The following TMEM232 variants were observed in gnomAD, a reference collection of about 807,000 sequenced individuals.
TMEM232 encodes transmembrane protein 232.
TMEM232 carries 80 observed loss-of-function variants against 78.8 expected under a neutral mutation model. That is an observed-to-expected ratio of 1.01 (90% CI 0.85 to 1.22). The LOEUF (loss-of-function observed/expected upper bound fraction) is 1.22, where lower values mean the gene tolerates loss of function less well. TMEM232 is among the 50% of genes most tolerant of loss of function. The probability of loss-of-function intolerance (pLI) is 0.00; values close to 1 mark genes in which losing one functional copy is unlikely to be tolerated. For synonymous variants in TMEM232, 297 were observed against 254.3 expected (o/e 1.17, Z -1.60); for missense variants, 881 against 742.2 (o/e 1.19, Z -2.17).
intron 7 of TMEM232, among the ~76,000 whole-genome samples, chr5:110,620,577 A>ATCTCTCTCTCTC (rs66736608): frequency 2.1e-4 from 9 of 43,120 alleles, no homozygotes; most frequent in African/African-American, 6.6e-4. Flanking sequence ...TGTCTCTCAT[A>ATCTCTCTCTCTC]TCTCTCTCTC....
At chr5:110,518,835 T>C (rs1298273798) in intron 12 of TMEM232, among the ~76,000 whole-genome samples, 1 of 152,034 alleles carries the variant, frequency 6.6e-6, no homozygotes, top group East Asian at 1.9e-4. Context: ...TAGCACCTTC[T>C]TCAAGAAATT....
chr5:110,693,505 T>C (rs541051987), intron 1 of TMEM232, among the ~76,000 whole-genome samples: 53 of 152,096 alleles, frequency 3.5e-4, no homozygotes, highest in Non-Finnish European at 6.3e-4. Flanking sequence ...CAAACTACTC[T>C]GAGCTAAAGG....
chr5:110,550,373 A>T (rs1774299189), intron 11 of TMEM232, among the ~76,000 whole-genome samples: 1 of 152,192 alleles, frequency 6.6e-6, no homozygotes, highest in South Asian at 2.1e-4. Flanking sequence ...CGTAAAACAT[A>T]CATGTCCAGC....
upstream of TMEM232, among the ~76,000 whole-genome samples, chr5:110,729,543 A>G (rs541927770): frequency 1.3e-5 from 2 of 152,352 alleles, no homozygotes; most frequent in South Asian, 4.1e-4. Flanking sequence ...CCACTACAAA[A>G]GCCAAAAACG....
intron 1 of TMEM232, among the ~76,000 whole-genome samples, chr5:110,695,310 G>C (rs1270740057): frequency 1.3e-5 from 2 of 152,180 alleles, no homozygotes; most frequent in Non-Finnish European, 2.9e-5. Flanking sequence ...GCAGTGTGTA[G>C]AGGGAAATTT....
intron 1 of TMEM232, among the ~76,000 whole-genome samples, chr5:110,690,238 C>T (rs1177177424): frequency 6.6e-6 from 1 of 152,170 alleles, no homozygotes; most frequent in Non-Finnish European, 1.5e-5. Context: ...GTCTATCCAT[C>T]TGACAAAGGG....
intron 2 of TMEM232, among the ~76,000 whole-genome samples, chr5:110,412,787 A>C (rs1271713624): frequency 6.6e-6 from 1 of 152,212 alleles, no homozygotes; most frequent in Admixed American, 6.5e-5. Flanking sequence ...TTGTTGAATT[A>C]CATTTAAATA....
Position 110,568,566 on chromosome 5 carries a change from A to G in TMEM232, c.1336T>C (p.Trp446Arg). 6.5e-7 allele frequency: 1 copy of G among 1,549,668 alleles called. No homozygotes were observed. The highest frequency in any genetic ancestry group is 8.7e-7 in the Non-Finnish European group (1 of 1,145,812). Residue 446 changes from tryptophan (W) to arginine (R), a missense_variant, in exon 11 of 14, where the codon TGG (tryptophan) becomes CGG (arginine). Coordinates refer to ENST00000455884, the MANE Select transcript of TMEM232 (RefSeq NM_001039763.4). Reference protein sequence around the residue: ...GLVYNLVKISWELQGDEEQDG... With the variant: ...GLVYNLVKISRELQGDEEQDG... Reference sequence around the variant, plus strand: ...TGTTCTTCGTCTCCTTGAAGTTCCCATGAAATTTTCACCAGGTTATACACT... The same window carrying G: ...TGTTCTTCGTCTCCTTGAAGTTCCCGTGAAATTTTCACCAGGTTATACACT...
chr5:110,611,246 G>C (rs1264047868), intron 8 of TMEM232, among the ~76,000 whole-genome samples: 1 of 152,088 alleles, frequency 6.6e-6, no homozygotes, highest in African/African-American at 2.4e-5. Context: ...GAAGAGGGCA[G>C]TTAGTATTTC....
At chr5:110,671,127 G>C (rs1791300456) in intron 1 of TMEM232, among the ~76,000 whole-genome samples, 1 of 151,956 alleles carries the variant, frequency 6.6e-6, no homozygotes, top group Admixed American at 6.6e-5. Context: ...ACATATATGA[G>C]GCCAACAAAC....
intron 12 of TMEM232, among the ~76,000 whole-genome samples, chr5:110,442,888 T>G (rs1759220640): frequency 6.6e-6 from 1 of 152,166 alleles, no homozygotes; most frequent in Non-Finnish European, 1.5e-5. Context: ...ACCTCTGGAT[T>G]ACCAGCCTGA....
intron 12 of TMEM232, among the ~76,000 whole-genome samples, chr5:110,525,604 A>G (rs1044045503): frequency 6.6e-6 from 1 of 152,034 alleles, no homozygotes; most frequent in Non-Finnish European, 1.5e-5. Flanking sequence ...AACATTATGG[A>G]GTGTTAATTT....
At chr5:110,651,456 G>C (rs1260383041) in intron 2 of TMEM232, among the ~76,000 whole-genome samples, 1 of 151,286 alleles carries the variant, frequency 6.6e-6, no homozygotes, top group Non-Finnish European at 1.5e-5. Context: ...AAAAGGGAAA[G>C]GGAAAGGGAA....
At chr5:110,677,968 G>C (rs1344756518) in intron 1 of TMEM232, among the ~76,000 whole-genome samples, 2 of 151,964 alleles carry the variant, frequency 1.3e-5, no homozygotes, top group African/African-American at 4.8e-5. Context: ...AGAAGCATCA[G>C]AAAGATTACT....
rs144841886 is a variant in TMEM232 at position 110,646,884 on chromosome 5, C to T, written c.126-4513G>A. Among the ~76,000 whole-genome samples the T allele has an allele frequency of 3.3e-3, 498 of 151,526 alleles. 2 individuals carry two copies. The highest frequency in any genetic ancestry group is 0.012 in the African/African-American group (480 of 41,400). ...TAAAAAATGTACAGAGGACCTGAAT[C>T]GATATTTCTCAAAAGACCACATACA... On this transcript the variant is annotated intron_variant, in intron 2 of 13. Coordinates refer to ENST00000455884, the MANE Select transcript of TMEM232 (RefSeq NM_001039763.4).
At chr5:110,669,916 T>C (rs1294419569) in intron 1 of TMEM232, among the ~76,000 whole-genome samples, 5 of 152,120 alleles carry the variant, frequency 3.3e-5, no homozygotes, top group Non-Finnish European at 7.4e-5. Flanking sequence ...AAAAGGCCTT[T>C]GACAAAATTC....
intron 2 of TMEM232, among the ~76,000 whole-genome samples, chr5:110,662,892 T>C (rs1417098921): frequency 3.3e-5 from 5 of 152,062 alleles, no homozygotes; most frequent in African/African-American, 7.2e-5. Flanking sequence ...TACAAGACTA[T>C]CTACACGATC....
At chr5:110,590,947 G>A (rs982692795) in intron 10 of TMEM232, among the ~76,000 whole-genome samples, 13 of 152,016 alleles carry the variant, frequency 8.6e-5, no homozygotes, top group African/African-American at 2.9e-4. Flanking sequence ...GAGGGAAACC[G>A]TCCTCATGAT....
At chr5:110,446,200 G>A (rs946092298) in intron 12 of TMEM232, among the ~76,000 whole-genome samples, 20 of 152,194 alleles carry the variant, frequency 1.3e-4, no homozygotes, top group South Asian at 6.2e-4. Context: ...AGGAGAGTAG[G>A]GCAGGAGTGA....
Sources: gnomAD v4.1 joint callset for allele counts (sites outside exome capture counted in the v4.1 genomes callset) on GRCh38, gnomAD v4.1.1 for gene constraint, MANE v1.5 for transcripts, NCBI Gene and HGNC (gene_info 2026-07-23, HGNC 2026-07-21) for gene names.